The following ANKRD11 variants were observed in gnomAD, a reference collection of about 807,000 sequenced individuals.
The protein encoded by ANKRD11 is ankyrin repeat domain-containing protein 11.
A neutral mutation model predicts 195.7 loss-of-function variants in ANKRD11; 17 were observed. The observed-to-expected ratio is 0.09, with a 90% confidence interval of 0.06 to 0.13. The LOEUF (loss-of-function observed/expected upper bound fraction) is 0.13. ANKRD11 is among the 10% of genes least tolerant of loss of function. The pLI is 1.00. For synonymous variants in ANKRD11, 1,953 were observed against 1,528.1 expected (o/e 1.28, Z -6.49); for missense variants, 3,735 against 3,566.1 (o/e 1.05, Z -1.21).
intron 1 of ANKRD11, chr16:89,459,140 G>C (rs977146387): frequency 2.1e-5 from 4 of 188,792 alleles, no homozygotes; most frequent in African/African-American, 9.4e-5. Flanking sequence ...GAGTTTCTAA[G>C]AAATCAAGAC....
At chr16:89,380,853 G>T (rs1252258683) in intron 2 of ANKRD11, among the ~76,000 whole-genome samples, 2 of 152,176 alleles carry the variant, frequency 1.3e-5, no homozygotes, top group African/African-American at 4.8e-5. Context: ...CGGCCCCAAA[G>T]GTGACCAGGC....
intron 1 of ANKRD11, among the ~76,000 whole-genome samples, chr16:89,455,397 G>A (rs1395590711): frequency 2.6e-5 from 4 of 152,110 alleles, no homozygotes; most frequent in African/African-American, 9.7e-5. Flanking sequence ...GCAGTGCAGA[G>A]CCCACATAGC....
intron 3 of ANKRD11, among the ~76,000 whole-genome samples, chr16:89,305,698 A>T: frequency 9.6e-6 from 1 of 104,466 alleles, no homozygotes; most frequent in African/African-American, 4.0e-5. Context: ...GCCACCTCCC[A>T]CTCCGCAGAC....
chr16:89,381,886 G>A (rs1023399335), intron 2 of ANKRD11, among the ~76,000 whole-genome samples: 6 of 152,240 alleles, frequency 3.9e-5, no homozygotes, highest in Admixed American at 2.0e-4. Flanking sequence ...GGCCACTCAC[G>A]TGGTGACCAC....
chr16:89,361,322 C>T (rs1465780083), intron 2 of ANKRD11, among the ~76,000 whole-genome samples: 2 of 152,334 alleles, frequency 1.3e-5, no homozygotes, highest in Admixed American at 6.5e-5. Context: ...ACCATCACAG[C>T]GCCGGGGGCG....
chr16:89,273,199 G>C (rs2033332088), intron 11 of ANKRD11, among the ~76,000 whole-genome samples: 1 of 152,094 alleles, frequency 6.6e-6, no homozygotes, highest in Non-Finnish European at 1.5e-5. Context: ...AAATGCTTGA[G>C]GGGATGGACA....
chr16:89,381,166 T>C (rs1250372524), intron 2 of ANKRD11, among the ~76,000 whole-genome samples: 1 of 151,174 alleles, frequency 6.6e-6, no homozygotes, highest in African/African-American at 2.4e-5. Flanking sequence ...CTACTGAAAA[T>C]TAAAAAATAA....
In ANKRD11 at chr16:89,399,419, C is replaced by T. The variant is rs535186679; in HGVS notation, c.-60+18865G>A. ...AAGCAGCCCGTCTCCAAGGACTACA[C>T]GCTGTACGGTTCCGACTCTGACATC... is the stretch of plus-strand genomic sequence containing the variant. On this transcript the variant is annotated intron_variant, in intron 2 of 12. Transcript: ENST00000301030. Among the ~76,000 whole-genome samples, 13 of 152,298 alleles carry T rather than the reference C, an allele frequency of 8.5e-5. No homozygotes were observed. The East Asian group carries it at 1.2e-3, about 14-fold the overall frequency.
chr16:89,460,299 T>C (rs1180626488), intron 1 of ANKRD11, among the ~76,000 whole-genome samples: 1 of 151,950 alleles, frequency 6.6e-6, no homozygotes, highest in East Asian at 1.9e-4. Flanking sequence ...AAAAATCACA[T>C]GCTTTGGTCA....
At chr16:89,336,151 C>CT (rs1344149137) in intron 2 of ANKRD11, among the ~76,000 whole-genome samples, 1 of 152,212 alleles carries the variant, frequency 6.6e-6, no homozygotes, top group Admixed American at 6.5e-5. Context: ...GAACCCAGGC[C>CT]TCTGGCCACT....
chr16:89,451,658 CTG>C lies in ANKRD11; in HGVS notation c.-144-33292_-144-33291del, dbSNP rs1275090036. 3.7e-4 allele frequency among the ~76,000 whole-genome samples: 57 copies of C among 152,192 alleles called. 1 individual carries two copies. The South Asian group carries it at 5.8e-3, about 16-fold the overall frequency. On this transcript the variant is annotated intron_variant, in intron 1 of 12. Transcript: ENST00000301030. The stretch of plus-strand genomic sequence containing the variant: ...TCTCAAACTCCTGACCTCAGGTGAT[CTG>C]CAAGCCTCGGCCTCCCAAAGTGCTG...
At chr16:89,433,447 G>A (rs563139492) in intron 1 of ANKRD11, among the ~76,000 whole-genome samples, 4 of 152,312 alleles carry the variant, frequency 2.6e-5, no homozygotes, top group South Asian at 2.1e-4. Flanking sequence ...CACTACCACC[G>A]ACAGGCTTTC....
intron 2 of ANKRD11, among the ~76,000 whole-genome samples, chr16:89,339,598 A>C (rs746808162): frequency 6.6e-6 from 1 of 152,228 alleles, no homozygotes; most frequent in Non-Finnish European, 1.5e-5. Context: ...TACACAGAAA[A>C]TATTTTCTAA....
At chr16:89,346,672 G>T (rs901516561) in intron 2 of ANKRD11, among the ~76,000 whole-genome samples, 12 of 152,140 alleles carry the variant, frequency 7.9e-5, no homozygotes, top group African/African-American at 2.9e-4. Flanking sequence ...TAGGAATTTC[G>T]AATATTCAAA....
intron 2 of ANKRD11, among the ~76,000 whole-genome samples, chr16:89,399,010 C>G (rs954803102): frequency 6.6e-6 from 1 of 152,196 alleles, no homozygotes. Flanking sequence ...AAATTGTTAA[C>G]AAGCTCCATG....
At chr16:89,414,970 G>A (rs1014942186) in intron 2 of ANKRD11, among the ~76,000 whole-genome samples, 2 of 152,084 alleles carry the variant, frequency 1.3e-5, no homozygotes, top group Non-Finnish European at 2.9e-5. Flanking sequence ...TTTGGGACAG[G>A]GTCTCACCCT....
chr16:89,274,725 G>A lies in ANKRD11; in HGVS notation c.7713+89C>T. On this transcript the variant is annotated intron_variant, in intron 11 of 12. Coordinates refer to ENST00000301030, the MANE Select transcript of ANKRD11 (RefSeq NM_013275.6). ...GGTGCTGAGCACCCGGGAAGCTCCT[G>A]GTCAAAGTGCAGAATCTATCAAGGG... is the stretch of plus-strand genomic sequence containing the variant. 4.4e-6 allele frequency: 7 copies of A among 1,578,616 alleles called. No individual in the cohort carries two copies. The East Asian group carries it at 1.6e-4, about 35-fold the overall frequency.
chr16:89,478,587 C>T (rs1169126608), intron 1 of ANKRD11, among the ~76,000 whole-genome samples: 4 of 152,154 alleles, frequency 2.6e-5, no homozygotes, highest in Admixed American at 2.0e-4. Context: ...GTGTCCCTTT[C>T]GTCCCCGCTG....
chr16:89,307,505 G>C (rs1382804873), intron 3 of ANKRD11, among the ~76,000 whole-genome samples: 2 of 152,320 alleles, frequency 1.3e-5, no homozygotes, highest in East Asian at 3.9e-4. Flanking sequence ...TGAGACACGG[G>C]GACAGGAGGA....
Sources: gnomAD v4.1 joint callset for allele counts (sites outside exome capture counted in the v4.1 genomes callset) on GRCh38, gnomAD v4.1.1 for gene constraint, MANE v1.5 for transcripts, NCBI Gene and HGNC (gene_info 2026-07-23, HGNC 2026-07-21) for gene names.